Variants in GRHL2 observed in about 807,000 individuals in gnomAD.
GRHL2 encodes grainyhead-like protein 2 homolog.
Under a neutral mutation model 83.8 loss-of-function variants are expected in GRHL2, and 21 were observed. The ratio of observed to expected loss-of-function variants is 0.25; its 90% confidence interval spans 0.18 to 0.36. GRHL2 has a LOEUF of 0.36. Ranked by LOEUF, GRHL2 falls within the 10% of genes least tolerant of loss-of-function variation. The pLI is 1.00. For synonymous variants in GRHL2, 280 were observed against 278.9 expected (o/e 1.00, Z -0.04); for missense variants, 623 against 781.8 (o/e 0.80, Z 2.42).
intron 9 of GRHL2, among the ~76,000 whole-genome samples, chr8:101,628,097 C>T (rs1019610631): frequency 6.6e-6 from 1 of 152,162 alleles, no homozygotes; most frequent in Non-Finnish European, 1.5e-5. Flanking sequence ...GGTGGCTATA[C>T]TAAACAACAG....
intron 8 of GRHL2, among the ~76,000 whole-genome samples, chr8:101,612,210 G>A (rs984219410): frequency 2.6e-5 from 4 of 150,960 alleles, no homozygotes; most frequent in East Asian, 1.9e-4. Flanking sequence ...GGTTAGTCTC[G>A]AACTCCTGAC....
chr8:101,535,082 G>A (rs1352584927), intron 1 of GRHL2, among the ~76,000 whole-genome samples: 3 of 152,212 alleles, frequency 2.0e-5, no homozygotes, highest in Non-Finnish European at 4.4e-5. Context: ...CTATGTGATA[G>A]GGCTGGTAAA....
At chr8:101,608,678 C>G (rs1265525698) in intron 8 of GRHL2, among the ~76,000 whole-genome samples, 1 of 151,570 alleles carries the variant, frequency 6.6e-6, no homozygotes, top group Non-Finnish European at 1.5e-5. Context: ...TTACCCTTTA[C>G]CTAGATTGAC....
intron 7 of GRHL2, among the ~76,000 whole-genome samples, chr8:101,583,681 TA>T (rs1812104306): frequency 6.6e-6 from 1 of 152,170 alleles, no homozygotes; most frequent in African/African-American, 2.4e-5. Context: ...GGATCACAAA[TA>T]AAAAAAGTTA....
Position 101,509,187 on chromosome 8 carries a change from T to TC in GRHL2, c.20+16398_20+16399insC, listed in dbSNP as rs5893565. On this transcript the variant is annotated intron_variant, in intron 1 of 15. Coordinates refer to ENST00000646743, the MANE Select transcript of GRHL2 (RefSeq NM_024915.4). ...CTTTCTTTCTTTTTCTTTCTTTCTT[T>TC]TCTCTCTTTCTTTCTTTCTTCTTGT... Among the ~76,000 whole-genome samples, 38 of 21,092 alleles carry TC rather than the reference T, an allele frequency of 1.8e-3. 10 individuals carry two copies. The highest frequency in any genetic ancestry group is 4.7e-3 in the South Asian group (2 of 424). 13.8% of individuals were successfully genotyped at this position (21,092 alleles called of 152,430 possible). A position where few individuals can be genotyped will look rare whatever the true frequency, so the allele number is the denominator to read the frequency against.
At chr8:101,599,329 A>G (rs1812462954) in intron 8 of GRHL2, among the ~76,000 whole-genome samples, 178 bp downstream of exon 8, 1 of 152,184 alleles carries the variant, frequency 6.6e-6, no homozygotes, top group Non-Finnish European at 1.5e-5. Flanking sequence ...CTTCCTGTAG[A>G]ATGTAATGAG....
At chr8:101,630,066 T>G (rs1026814331) in intron 9 of GRHL2, among the ~76,000 whole-genome samples, 1 of 152,212 alleles carries the variant, frequency 6.6e-6, no homozygotes, top group East Asian at 1.9e-4. Flanking sequence ...CATAATTAAA[T>G]GATCTGGTTA....
chr8:101,529,832 T>C (rs1810884867), intron 1 of GRHL2, among the ~76,000 whole-genome samples: 1 of 152,158 alleles, frequency 6.6e-6, no homozygotes, highest in Non-Finnish European at 1.5e-5. Flanking sequence ...CCACAGGCTC[T>C]GAGGATGCCT....
At chr8:101,660,629 C>G (rs970114376) in intron 14 of GRHL2, among the ~76,000 whole-genome samples, 1 of 152,082 alleles carries the variant, frequency 6.6e-6, no homozygotes, top group Non-Finnish European at 1.5e-5. Flanking sequence ...CTTACTTTCT[C>G]TTTAGTTTTG....
At chr8:101,568,835 T>G (rs1466014310) in intron 4 of GRHL2, among the ~76,000 whole-genome samples, 1 of 152,198 alleles carries the variant, frequency 6.6e-6, no homozygotes, top group Non-Finnish European at 1.5e-5. Flanking sequence ...TTCCTGGGAT[T>G]CATGTGGGTA....
At chr8:101,677,727 T>C in the GRHL2 span, among the ~76,000 whole-genome samples, 1 of 152,022 alleles carries the variant, frequency 6.6e-6, no homozygotes, top group African/African-American at 2.4e-5. Context: ...AGTCATGAAA[T>C]AAGGCTGGGA....
intron 8 of GRHL2, among the ~76,000 whole-genome samples, chr8:101,618,099 C>G (rs909829858): frequency 6.6e-6 from 1 of 152,066 alleles, no homozygotes; most frequent in Non-Finnish European, 1.5e-5. Flanking sequence ...GCCTGGATCT[C>G]CCCAGAAACC....
intron 12 of GRHL2, 54 bp from the exon 13 acceptor site, chr8:101,644,075 CGT>C: frequency 2.8e-6 from 4 of 1,404,850 alleles, no homozygotes; most frequent in East Asian, 4.6e-5. Flanking sequence ...CACATGTGAA[CGT>C]GTGTTTTGAC....
At chr8:101,584,997 A>AAGT (rs1404817646) in intron 7 of GRHL2, among the ~76,000 whole-genome samples, 1 of 152,100 alleles carries the variant, frequency 6.6e-6, no homozygotes, top group Non-Finnish European at 1.5e-5. Context: ...TCAGGTAGCC[A>AAGT]GGTGATCAGG....
chr8:101,675,706 CTACTT>C, the GRHL2 span, among the ~76,000 whole-genome samples: 1 of 152,132 alleles, frequency 6.6e-6, no homozygotes, highest in Non-Finnish European at 1.5e-5. Context: ...TTGGAAAAAA[CTACTT>C]TAAAGTTCAT....
At chr8:101,566,477 T>C (rs1204462198) in intron 4 of GRHL2, among the ~76,000 whole-genome samples, 2 of 151,568 alleles carry the variant, frequency 1.3e-5, no homozygotes, top group African/African-American at 4.8e-5. Context: ...TTATCATCTG[T>C]GTCCAAAAGA....
chr8:101,666,757 A>G lies in GRHL2; in HGVS notation c.*54A>G, dbSNP rs1196544718. On this transcript the variant is annotated 3_prime_UTR_variant, in exon 16 of 16. Transcript: ENST00000646743. ...AGCTCTCAGTGCGTTCCTCCCTGAG[A>G]GAGACAGAAGCCCCAGCCCCAGAAC... 1.9e-6 allele frequency: 2 copies of G among 1,037,532 alleles called. No individual in the cohort carries two copies. Among genetic ancestry groups the G allele is most frequent in the African/African-American group, 1.6e-5 (1 of 63,940 alleles). The allele number at this position is 1,037,532 out of a possible 1,614,324, so 64.3% of individuals were successfully genotyped here. A position where few individuals can be genotyped will look rare whatever the true frequency, so the allele number is the denominator to read the frequency against.
chr8:101,662,883 A>T (rs1344693508), intron 14 of GRHL2, among the ~76,000 whole-genome samples: 1 of 149,660 alleles, frequency 6.7e-6, no homozygotes, highest in East Asian at 2.0e-4. Context: ...ATATATATTT[A>T]AAAATACAAG....
At chr8:101,573,914 A>T in intron 6 of GRHL2, 90 bp downstream of exon 6, 16 of 1,410,902 alleles carry the variant, frequency 1.1e-5, no homozygotes, top group Non-Finnish European at 1.6e-5. Context: ...TGGAAAAAAA[A>T]TAAAACCTTC....
Sources: gnomAD v4.1 joint callset for allele counts (sites outside exome capture counted in the v4.1 genomes callset) on GRCh38, gnomAD v4.1.1 for gene constraint, MANE v1.5 for transcripts, NCBI Gene and HGNC (gene_info 2026-07-23, HGNC 2026-07-21) for gene names.